Variants in MDGA2 observed in about 807,000 individuals in gnomAD.
MDGA2 encodes the protein MAM domain containing glycosylphosphatidylinositol anchor 2, also known as MAM domain-containing glycosylphosphatidylinositol anchor protein 2.
In MDGA2, 40 loss-of-function variants were observed where a neutral mutation model predicts 117.8. The ratio of observed to expected loss-of-function variants is 0.34; its 90% CI spans 0.26 to 0.44. MDGA2 has a LOEUF of 0.44. Ranked by LOEUF, MDGA2 falls within the 20% of genes least tolerant of loss-of-function variation. MDGA2 has a pLI of 1.00. For synonymous variants in MDGA2, 452 were observed against 439.0 expected (o/e 1.03, Z -0.37); for missense variants, 1,123 against 1,250.6 (o/e 0.90, Z 1.54).
intron 1 of MDGA2, among the ~76,000 whole-genome samples, chr14:47,455,067 C>T (rs1267186063): frequency 6.6e-6 from 1 of 152,096 alleles, no homozygotes; most frequent in Non-Finnish European, 1.5e-5. Flanking sequence ...CATGCAATAC[C>T]TTTAAAAAAT....
intron 1 of MDGA2, among the ~76,000 whole-genome samples, chr14:47,319,583 T>C (rs1228935401): frequency 6.6e-6 from 1 of 152,170 alleles, no homozygotes; most frequent in African/African-American, 2.4e-5. Flanking sequence ...ATATTTTCTA[T>C]AGACCTGATA....
At chr14:47,483,725 C>T (rs578164066) in intron 1 of MDGA2, among the ~76,000 whole-genome samples, 30 of 152,288 alleles carry the variant, frequency 2.0e-4, no homozygotes, top group Admixed American at 8.5e-4. Flanking sequence ...CCCACAAGTA[C>T]TCCTCTCTAC....
chr14:47,166,845 C>T, intron 3 of MDGA2, among the ~76,000 whole-genome samples: 1 of 152,128 alleles, frequency 6.6e-6, no homozygotes, highest in East Asian at 1.9e-4. Context: ...TTGTACCTTC[C>T]ACTGATTACC....
chr14:47,144,426 C>T (rs899641151), intron 3 of MDGA2, among the ~76,000 whole-genome samples, 152 bp from the exon 4 acceptor site: 1 of 152,108 alleles, frequency 6.6e-6, no homozygotes, highest in Non-Finnish European at 1.5e-5. Context: ...TTATTGAATT[C>T]ATTTACAAAG....
At chr14:47,218,563 G>A (rs1363776847) in intron 2 of MDGA2, among the ~76,000 whole-genome samples, 1 of 152,022 alleles carries the variant, frequency 6.6e-6, no homozygotes, top group East Asian at 1.9e-4. Context: ...CAAACCTTGT[G>A]AGATAATTTT....
At chr14:47,120,373 G>C (rs949834410) in intron 5 of MDGA2, among the ~76,000 whole-genome samples, 3 of 152,146 alleles carry the variant, frequency 2.0e-5, no homozygotes, top group African/African-American at 7.2e-5. Context: ...AGATTTATTG[G>C]ATAGAATGTG....
intron 1 of MDGA2, among the ~76,000 whole-genome samples, chr14:47,603,391 T>C (rs1191858745): frequency 5.3e-5 from 8 of 152,160 alleles, no homozygotes; most frequent in Non-Finnish European, 1.2e-4. Context: ...CATCTTCAAA[T>C]TGTATACCAT....
intron 1 of MDGA2, among the ~76,000 whole-genome samples, chr14:47,428,031 C>T (rs1286745672): frequency 4.6e-5 from 7 of 152,158 alleles, no homozygotes; most frequent in Middle Eastern, 3.4e-3. Flanking sequence ...CCAGATTTTT[C>T]GTTTCTTTTT....
intron 5 of MDGA2, among the ~76,000 whole-genome samples, chr14:47,103,360 T>C (rs1285434289): frequency 1.3e-5 from 2 of 152,204 alleles, no homozygotes; most frequent in African/African-American, 4.8e-5. Flanking sequence ...TAGCAGTGAA[T>C]ATTTCACAAA....
chr14:46,897,388 G>A (rs2138434680), intron 10 of MDGA2, among the ~76,000 whole-genome samples: 1 of 152,188 alleles, frequency 6.6e-6, no homozygotes, highest in Non-Finnish European at 1.5e-5. Context: ...AACACGTGAT[G>A]TCTTATACAA....
chr14:47,147,886 G>A (rs1883008257), intron 3 of MDGA2, among the ~76,000 whole-genome samples: 2 of 151,938 alleles, frequency 1.3e-5, no homozygotes, highest in South Asian at 4.2e-4. Flanking sequence ...TTTGGTATAG[G>A]TAGCTTACCT....
chr14:47,492,660 T>C (rs1223028311), intron 1 of MDGA2, among the ~76,000 whole-genome samples: 1 of 152,186 alleles, frequency 6.6e-6, no homozygotes, highest in Admixed American at 6.6e-5. Context: ...TCAGATCACA[T>C]TATCTGTGCT....
At chr14:47,087,690 G>A (rs1442792804) in intron 6 of MDGA2, among the ~76,000 whole-genome samples, 1 of 151,232 alleles carries the variant, frequency 6.6e-6, no homozygotes, top group Non-Finnish European at 1.5e-5. Context: ...AATCTGGTAA[G>A]CCAGTGAATC....
At chr14:47,142,768 T>C (rs994479051) in intron 4 of MDGA2, among the ~76,000 whole-genome samples, 1 of 152,170 alleles carries the variant, frequency 6.6e-6, no homozygotes, top group Non-Finnish European at 1.5e-5. Context: ...CTTAGTATCA[T>C]AGTGGCCTAA....
At chr14:47,657,848 G>C (rs1478223492) in intron 1 of MDGA2, among the ~76,000 whole-genome samples, 1 of 152,112 alleles carries the variant, frequency 6.6e-6, no homozygotes, top group Non-Finnish European at 1.5e-5. Flanking sequence ...TCTTAAAGTT[G>C]GACCCCACAC....
At chr14:47,291,705 T>C (rs941423557) in intron 2 of MDGA2, among the ~76,000 whole-genome samples, 3 of 152,162 alleles carry the variant, frequency 2.0e-5, no homozygotes, top group African/African-American at 7.2e-5. Context: ...CACAAGGGAA[T>C]ATCGTACTGC....
chr14:47,388,919 G>C (rs950161630), intron 1 of MDGA2, among the ~76,000 whole-genome samples: 2 of 152,166 alleles, frequency 1.3e-5, no homozygotes, highest in Admixed American at 1.3e-4. Flanking sequence ...CATATGTCCC[G>C]ATGGATACAC....
chr14:46,987,422 T>A (rs1886901426), intron 8 of MDGA2, among the ~76,000 whole-genome samples: 1 of 152,126 alleles, frequency 6.6e-6, no homozygotes, highest in Admixed American at 6.6e-5. Flanking sequence ...ATTCATGATA[T>A]CCACAAGAGC....
rs538886071 is a variant in MDGA2, at chr14:47,585,857, A to G, written c.280+88660T>C. 2.0e-5 allele frequency among the ~76,000 whole-genome samples: 3 copies of G among 151,982 alleles called. No homozygotes were observed. In the South Asian group the frequency reaches 6.2e-4, roughly 32 times the overall value. Reference sequence around the variant, plus strand: ...CAGTCCGGGAGCTCTCAGCTTACACATCATTCAATCTTAGCAAAACAAGAG... The same window carrying G: ...CAGTCCGGGAGCTCTCAGCTTACACGTCATTCAATCTTAGCAAAACAAGAG... On this transcript the variant is annotated intron_variant, in intron 1 of 16. Coordinates refer to ENST00000399232, the MANE Select transcript of MDGA2 (RefSeq NM_001113498.3).
Sources: allele counts gnomAD v4.1 joint callset (sites outside exome capture counted in the v4.1 genomes callset), GRCh38; gene constraint gnomAD v4.1.1; transcripts MANE v1.5; gene names NCBI Gene and HGNC (gene_info 2026-07-23, HGNC 2026-07-21).